SNX18: variants seen among roughly 807,000 people sequenced by gnomAD.
SNX18 encodes the protein sorting nexin-18.
SNX18 carries 35 observed loss-of-function variants against 48.7 expected under a neutral mutation model. The observed-to-expected ratio is 0.72, with a 90% CI of 0.55 to 0.95. The LOEUF (loss-of-function observed/expected upper bound fraction) is 0.95. Ranked by LOEUF, SNX18 falls within the 40% of genes least tolerant of loss-of-function variation. SNX18 has a pLI of 0.00. For synonymous variants in SNX18, 492 were observed against 384.7 expected, an observed-to-expected ratio of 1.28 and a Z score of -3.26; for missense variants, 824 against 871.0, an observed-to-expected ratio of 0.95 and a Z score of 0.68.
the SNX18 span, among the ~76,000 whole-genome samples, chr5:54,625,697 C>A: frequency 6.6e-6 from 1 of 152,244 alleles, no homozygotes; most frequent in African/African-American, 2.4e-5. Context: ...GAGACAGGAA[C>A]CAACGGAGGC....
At chr5:54,638,884 C>T in the SNX18 span, among the ~76,000 whole-genome samples, 1 of 152,176 alleles carries the variant, frequency 6.6e-6, no homozygotes, top group East Asian at 1.9e-4. Flanking sequence ...ATAACATCAT[C>T]CTTTGAAGGC....
In SNX18 at chr5:54,518,166, C is replaced by G; in HGVS notation, c.214C>G (p.Pro72Ala). ...PEPGPAGDGG[P>A]GAPARYANVP... ...GCCTGGCCCGGCGGGAGACGGCGGC[C>G]CGGGCGCCCCGGCCCGCTACGCCAA... The change falls in exon 1 of 2, where the codon CCG becomes GCG. Residue 72 changes from proline (P) to alanine (A), a missense_variant. Pro to Ala is a conservative substitution (Grantham distance 27). This residue lies in a region of SNX18 where 377 missense variants were observed against 350.6 expected (regional missense o/e 1.08). Coordinates refer to ENST00000381410, the MANE Select transcript of SNX18 (RefSeq NM_001102575.2). 3 of 1,386,070 alleles carry G rather than the reference C, an allele frequency of 2.2e-6. No homozygotes were observed. Among genetic ancestry groups the G allele is most frequent in the East Asian group, 6.1e-5 (2 of 32,598 alleles). The allele number at this position is 1,386,070 out of a possible 1,614,324, so 85.9% of individuals were successfully genotyped here. A position where few individuals can be genotyped will look rare whatever the true frequency, so the allele number is the denominator to read the frequency against.
chr5:54,547,025 G>T (rs1348375776), downstream of SNX18, among the ~76,000 whole-genome samples: 1 of 152,230 alleles, frequency 6.6e-6, no homozygotes, highest in African/African-American at 2.4e-5. Flanking sequence ...GGCAAAGCTT[G>T]CCCTCTTTGT....
At chr5:54,588,842 C>G in the SNX18 span, among the ~76,000 whole-genome samples, 5 of 152,096 alleles carry the variant, frequency 3.3e-5, no homozygotes, top group Admixed American at 2.6e-4. Flanking sequence ...TCTGAACTAC[C>G]TCAAGCTAGT....
the SNX18 span, among the ~76,000 whole-genome samples, chr5:54,603,448 A>G: frequency 1.3e-5 from 2 of 152,214 alleles, no homozygotes; most frequent in South Asian, 2.1e-4. Context: ...TCTTTTAAGA[A>G]GGCTTGAGAG....
chr5:54,531,962 T>C (rs560989878), intron 1 of SNX18, among the ~76,000 whole-genome samples: 126 of 152,350 alleles, frequency 8.3e-4, no homozygotes, highest in Non-Finnish European at 1.4e-3. Flanking sequence ...GCAGATATTC[T>C]GCTAACTCCA....
At chr5:54,620,296 C>A in the SNX18 span, among the ~76,000 whole-genome samples, 3 of 151,958 alleles carry the variant, frequency 2.0e-5, no homozygotes, top group Non-Finnish European at 4.4e-5. Flanking sequence ...GGGTCTGGAG[C>A]TTTGGGGAAG....
downstream of SNX18, among the ~76,000 whole-genome samples, chr5:54,551,203 G>A (rs1339399865): frequency 6.6e-6 from 1 of 152,092 alleles, no homozygotes; most frequent in African/African-American, 2.4e-5. Flanking sequence ...TTGGACAGTG[G>A]ACTCAATGAT....
the SNX18 span, among the ~76,000 whole-genome samples, chr5:54,590,934 C>A: frequency 1.3e-5 from 2 of 152,216 alleles, no homozygotes; most frequent in African/African-American, 4.8e-5. Context: ...GAATTCTCCC[C>A]TCACTGGCAT....
the SNX18 span, among the ~76,000 whole-genome samples, chr5:54,584,291 G>A: frequency 2.6e-5 from 4 of 152,066 alleles, no homozygotes; most frequent in East Asian, 1.9e-4. Flanking sequence ...CAGGCAGTCC[G>A]CGTGCCTCAG....
intron 1 of SNX18, 31 bp from the exon 2 acceptor site, chr5:54,543,148 G>GT (rs1561122742): frequency 6.3e-7 from 1 of 1,597,752 alleles, no homozygotes; most frequent in Non-Finnish European, 8.5e-7. Flanking sequence ...GGATATATAG[G>GT]TTTTTAATTA....
At chr5:54,577,775 C>A in the SNX18 span, among the ~76,000 whole-genome samples, 4 of 152,162 alleles carry the variant, frequency 2.6e-5, no homozygotes, top group Admixed American at 1.3e-4. Context: ...ACCAGGAAAG[C>A]CACCAGAGTT....
downstream of SNX18, chr5:54,546,629 G>A (rs1762580814): frequency 6.6e-6 from 1 of 152,138 alleles, no homozygotes; most frequent in South Asian, 2.1e-4. Flanking sequence ...TCATCAAGGA[G>A]GCATTTATTT....
At chr5:54,630,824 T>C in the SNX18 span, among the ~76,000 whole-genome samples, 1 of 90,958 alleles carries the variant, frequency 1.1e-5, no homozygotes, top group Admixed American at 1.4e-4. Flanking sequence ...AGAGCAAGAC[T>C]CAGTCAAAAA....
At chr5:54,612,406 G>A in the SNX18 span, among the ~76,000 whole-genome samples, 34 of 152,004 alleles carry the variant, frequency 2.2e-4, no homozygotes, top group Admixed American at 5.9e-4. Flanking sequence ...CTACAGGTGC[G>A]TGCCACCACA....
the SNX18 span, among the ~76,000 whole-genome samples, chr5:54,586,453 A>T: frequency 6.6e-6 from 1 of 151,750 alleles, no homozygotes; most frequent in African/African-American, 2.4e-5. Context: ...AAGAAAAAAA[A>T]ATGTTGATTT....
At chr5:54,609,141 A>G in the SNX18 span, among the ~76,000 whole-genome samples, 3 of 152,350 alleles carry the variant, frequency 2.0e-5, no homozygotes, top group Non-Finnish European at 2.9e-5. Context: ...GAAATGTTCC[A>G]TAACTACTCT....
At chr5:54,579,963 G>C in the SNX18 span, among the ~76,000 whole-genome samples, 1 of 151,988 alleles carries the variant, frequency 6.6e-6, no homozygotes, top group Non-Finnish European at 1.5e-5. Flanking sequence ...TTTTGCATTT[G>C]TCTGTTGTAC....
At chr5:54,564,221 G>A in the SNX18 span, among the ~76,000 whole-genome samples, 2 of 151,952 alleles carry the variant, frequency 1.3e-5, no homozygotes, top group Non-Finnish European at 2.9e-5. Flanking sequence ...AGCCGAGACC[G>A]CACCGTTGCA....
Sources: allele counts gnomAD v4.1 joint callset (sites outside exome capture counted in the v4.1 genomes callset), GRCh38; gene constraint gnomAD v4.1.1; regional missense constraint gnomAD v4.1.1; transcripts MANE v1.5; gene names NCBI Gene and HGNC (gene_info 2026-07-23, HGNC 2026-07-21).